The following CNR2 variants were observed in gnomAD, a reference collection of about 807,000 sequenced individuals.
The protein encoded by CNR2 is cannabinoid receptor 2 (macrophage).
For synonymous variants in CNR2, 172 were observed against 182.2 expected (o/e 0.94, Z 0.45); for missense variants, 379 against 439.9 (o/e 0.86, Z 1.24).
chr1:23,894,773 A>AG (rs56655698), intron 1 of CNR2, among the ~76,000 whole-genome samples: 118,639 of 148,684 alleles, frequency 0.8, 47,507 homozygotes, highest in Admixed American at 0.82. Flanking sequence ...CTCAAAAAAA[A>AG]AAAGAAAGAA....
chr1:23,891,275 TTGTGTGTGTGTGTG>T (rs57856234), intron 1 of CNR2, among the ~76,000 whole-genome samples: 127,322 of 150,396 alleles, frequency 0.85, 53,977 homozygotes, highest in Admixed American at 0.86. Flanking sequence ...ACCAAATCTT[TTGTGTGTGTGTGTG>T]TGTGTGTGTG....
intron 1 of CNR2, among the ~76,000 whole-genome samples, chr1:23,877,691 G>A (rs549563195): frequency 6.6e-6 from 1 of 152,200 alleles, no homozygotes; most frequent in South Asian, 2.1e-4. Context: ...GCTGGGCACA[G>A]TGGCTCACGC....
At chr1:23,909,605 AG>A (rs1640550779) in intron 1 of CNR2, among the ~76,000 whole-genome samples, 1 of 152,184 alleles carries the variant, frequency 6.6e-6, no homozygotes. Flanking sequence ...CTAGAGCCTC[AG>A]GGTCTTGGCA....
chr1:23,899,969 GAAAGGAAAGAAAGAAAGAAAA>G (rs766470176), intron 1 of CNR2, among the ~76,000 whole-genome samples: 110,111 of 125,526 alleles, frequency 0.88, 49,617 homozygotes, highest in East Asian at 0.97. Context: ...AAGAAAGAAA[GAAAGGAAAGAAAGAAAGAAAA>G]GAAAGAAAGA....
intron 1 of CNR2, among the ~76,000 whole-genome samples, chr1:23,906,015 T>C (rs563136303): frequency 3.3e-5 from 5 of 152,144 alleles, no homozygotes; most frequent in Non-Finnish European, 7.3e-5. Flanking sequence ...AGATTCTCAG[T>C]TGGTTCTGAA....
rs372094070 is a variant in CNR2, at chr1:23,901,579, C to T, written c.-46+11667G>A. 4.3e-5 allele frequency: 70 copies of T among 1,613,132 alleles called. No individual in the cohort carries two copies. In the South Asian group the frequency reaches 5.7e-4, roughly 13 times the overall value. On this transcript the variant is annotated intron_variant, in intron 1 of 1. Coordinates refer to ENST00000374472, the MANE Select transcript of CNR2 (RefSeq NM_001841.3). ...AGGCCACCTTTCTGCACTGCACTTG[C>T]GTCATCCCCTCCTGCCCAAAGTAGC...
At chr1:23,891,032 C>T (rs1462850512) in intron 1 of CNR2, among the ~76,000 whole-genome samples, 1 of 151,726 alleles carries the variant, frequency 6.6e-6, no homozygotes, top group Non-Finnish European at 1.5e-5. Flanking sequence ...GCGTGAGCCA[C>T]CACACCTGGA....
chr1:23,875,692 C>G (rs1337582743), intron 1 of CNR2, 30 bp from the exon 2 acceptor site: 1 of 1,498,368 alleles, frequency 6.7e-7, no homozygotes, highest in African/African-American at 1.4e-5. Flanking sequence ...AGAAAATAAT[C>G]TTTTTCAGTA....
chr1:23,905,283 C>T (rs1479767549), intron 1 of CNR2, among the ~76,000 whole-genome samples: 6 of 150,626 alleles, frequency 4.0e-5, no homozygotes, highest in African/African-American at 1.5e-4. Flanking sequence ...CGGGTTCAAT[C>T]GATTCTCTTG....
intron 1 of CNR2, among the ~76,000 whole-genome samples, chr1:23,910,096 G>A (rs2148472612): frequency 6.7e-6 from 1 of 149,736 alleles, no homozygotes; most frequent in East Asian, 2.0e-4. Flanking sequence ...CCACAGGCAT[G>A]TGCCACCATG....
chr1:23,883,812 A>G (rs1349640071), intron 1 of CNR2, among the ~76,000 whole-genome samples: 1 of 152,126 alleles, frequency 6.6e-6, no homozygotes, highest in Non-Finnish European at 1.5e-5. Context: ...GTGACAGAGC[A>G]AGACTCCATC....
In CNR2 at chr1:23,871,151, T is replaced by G. The variant is rs1264063869; in HGVS notation, c.*3384A>C. The G allele has an allele frequency of 4.2e-5, 3 of 70,908 alleles. No individual in the cohort carries two copies. The highest frequency in any genetic ancestry group is 1.2e-3 in the South Asian group (2 of 1,726). The allele number at this position is 70,908 out of a possible 1,614,324, so 4.4% of individuals were successfully genotyped here. ...ACCTGGGTGACAGAGTGAGATTCTA[T>G]GTCAAAAAAAAAAAAAAAAAAAAAA... On this transcript the variant is annotated 3_prime_UTR_variant, in exon 2 of 2. Transcript: ENST00000374472.
rs762850150 is a variant in CNR2 at position 23,875,354 on chromosome 1, T to C, written c.264A>G (p.Ala88=). 4 of 1,614,228 alleles carry C rather than the reference T, an allele frequency of 2.5e-6. No homozygotes were observed. The highest frequency in any genetic ancestry group is 3.4e-6 in the Non-Finnish European group (4 of 1,180,042). Residue 88 remains alanine (A), a synonymous_variant, in exon 2 of 2, where the codon GCA becomes GCG. Transcript: ENST00000374472. ...GADFLASVVF[A]CSFVNFHVFH... ...AAACATGGAAATTCACAAAGCTGCA[T>C]GCAAAGACCACACTGGCCAGGAAGT...
rs1378255786 is a variant in CNR2 at position 23,871,259 on chromosome 1, G to A, written c.*3276C>T. 1.3e-5 allele frequency: 2 copies of A among 149,510 alleles called. No individual in the cohort carries two copies. The highest frequency in any genetic ancestry group is 3.0e-5 in the Non-Finnish European group (2 of 67,462). The allele number at this position is 149,510 out of a possible 1,614,324, so 9.3% of individuals were successfully genotyped here. On this transcript the variant is annotated 3_prime_UTR_variant, in exon 2 of 2. Transcript: ENST00000374472. Reference sequence around the variant, plus strand: ...TTGATCAAATGATTTTTAGAATCTAGTTTTATTCATTCAAGAAGTATTTAC... The same window carrying A: ...TTGATCAAATGATTTTTAGAATCTAATTTTATTCATTCAAGAAGTATTTAC...
At chr1:23,902,396 C>T in intron 1 of CNR2, 3 of 1,586,934 alleles carry the variant, frequency 1.9e-6, no homozygotes, top group Non-Finnish European at 2.6e-6. Flanking sequence ...TCAGACTTGT[C>T]CCCAGAAAGT....
intron 1 of CNR2, among the ~76,000 whole-genome samples, chr1:23,885,453 G>A (rs1480979257): frequency 6.6e-6 from 1 of 152,060 alleles, no homozygotes; most frequent in African/African-American, 2.4e-5. Context: ...TCTGTAAAAT[G>A]GGGTTTTCTG....
At chr1:23,906,484 T>C (rs1014714600) in intron 1 of CNR2, among the ~76,000 whole-genome samples, 5 of 151,730 alleles carry the variant, frequency 3.3e-5, no homozygotes, top group African/African-American at 9.7e-5. Flanking sequence ...ACAATAAGTG[T>C]ATTGTTTAAA....
chr1:23,881,499 A>G (rs921829985), intron 1 of CNR2, among the ~76,000 whole-genome samples: 2 of 151,908 alleles, frequency 1.3e-5, no homozygotes, highest in African/African-American at 4.8e-5. Context: ...TGGTTGAGGC[A>G]GGAGAATCGT....
At chr1:23,902,200 G>T (rs145253736) in intron 1 of CNR2, 1 of 1,349,520 alleles carries the variant, frequency 7.4e-7, no homozygotes, top group Non-Finnish European at 1.0e-6. Context: ...GAAGACCACC[G>T]CCTCCTGGTG....
Sources: allele counts gnomAD v4.1 joint callset (sites outside exome capture counted in the v4.1 genomes callset), GRCh38; gene constraint gnomAD v4.1.1; transcripts MANE v1.5; gene names NCBI Gene and HGNC (gene_info 2026-07-23, HGNC 2026-07-21).